CCDC14: variants seen among roughly 807,000 people sequenced by gnomAD.
CCDC14 encodes the protein coiled-coil domain-containing protein 14.
In CCDC14, 71 loss-of-function variants were observed where a neutral mutation model predicts 81.4. That is an observed-to-expected ratio of 0.87 (90% confidence interval 0.72 to 1.06). CCDC14 has a LOEUF of 1.06. Among genes scored for constraint, CCDC14 ranks in the 50% least tolerant of loss-of-function variants. The pLI, the probability that CCDC14 is intolerant of heterozygous loss-of-function variation, is 0.00. For missense variants in CCDC14, 1,046 were observed against 1,047.3 expected, an observed-to-expected ratio of 1.00 and a Z score of 0.02; for synonymous variants, 332 against 364.8, an observed-to-expected ratio of 0.91 and a Z score of 1.03.
rs1054944305 is a variant in CCDC14, at chr3:123,915,080, G to C, written c.2417C>G (p.Thr806Arg). Residue 806 changes from threonine to arginine, a missense_variant, in exon 13 of 13, where the codon ACA becomes AGA. Transcript: ENST00000409697. ...KLSRASDMKD[T>R]QLLKKIKEAI... ...TTCCTTTATTTTCTTGAGGAGCTGT[G>C]TGTCCTTCATATCAGATGCTCTGGA... 1 of 1,614,010 alleles carries C rather than the reference G, an allele frequency of 6.2e-7. No homozygotes were observed. The highest frequency in any genetic ancestry group is 8.5e-7 in the Non-Finnish European group (1 of 1,179,894).
At chr3:123,906,724 C>T (rs907386815) in intron 5 of CCDC14, among the ~76,000 whole-genome samples, 1 of 152,180 alleles carries the variant, frequency 6.6e-6, no homozygotes, top group African/African-American at 2.4e-5. Context: ...CAAGGATCTG[C>T]TCCATGACAC....
chr3:123,941,881 A>G (rs1199522551), intron 9 of CCDC14, among the ~76,000 whole-genome samples: 2 of 152,088 alleles, frequency 1.3e-5, no homozygotes, highest in Admixed American at 6.6e-5. Flanking sequence ...ACCGAAATAA[A>G]TAAGAACCAC....
chr3:123,959,246 C>T (rs1383262764), intron 1 of CCDC14, among the ~76,000 whole-genome samples: 2 of 152,208 alleles, frequency 1.3e-5, no homozygotes, highest in African/African-American at 4.8e-5. Flanking sequence ...TACCATTTTA[C>T]ATTCCCACTG....
chr3:123,923,076 T>C (rs777866592), intron 12 of CCDC14, among the ~76,000 whole-genome samples: 1 of 152,116 alleles, frequency 6.6e-6, no homozygotes, highest in Non-Finnish European at 1.5e-5. Context: ...AAAAGAATTA[T>C]TCAACACAAT....
chr3:123,949,312 A>G (rs931110256), intron 5 of CCDC14, 180 bp from the exon 6 acceptor site: 8 of 573,852 alleles, frequency 1.4e-5, no homozygotes, highest in Non-Finnish European at 2.5e-5. Context: ...GAAAGTAATT[A>G]GTGTTTAAGT....
intron 8 of CCDC14, among the ~76,000 whole-genome samples, chr3:123,945,740 G>A (rs1021747035): frequency 2.6e-5 from 4 of 152,130 alleles, no homozygotes; most frequent in African/African-American, 9.6e-5. Context: ...TTACAAAAAT[G>A]TATTCAGTTT....
intron 9 of CCDC14, among the ~76,000 whole-genome samples, chr3:123,942,687 A>G (rs1439927812): frequency 1.3e-5 from 2 of 152,120 alleles, no homozygotes; most frequent in Non-Finnish European, 2.9e-5. Context: ...CTCAGGGCAC[A>G]TTCGCATTGC....
intron 12 of CCDC14, among the ~76,000 whole-genome samples, chr3:123,928,751 A>T (rs1298827092): frequency 3.9e-5 from 6 of 152,198 alleles, no homozygotes; most frequent in Non-Finnish European, 8.8e-5. Context: ...ACTTAGGCTA[A>T]ATCAGGCATG....
At chr3:123,902,593 A>G (rs2034199658) in intron 5 of CCDC14, among the ~76,000 whole-genome samples, 2 of 152,246 alleles carry the variant, frequency 1.3e-5, no homozygotes, top group Non-Finnish European at 2.9e-5. Context: ...GCTTTACAGC[A>G]CCAAAAACTT....
downstream of CCDC14, among the ~76,000 whole-genome samples, chr3:123,909,800 G>T (rs1483391402): frequency 6.6e-6 from 1 of 152,166 alleles, no homozygotes; most frequent in Non-Finnish European, 1.5e-5. Flanking sequence ...CTAGGTTCTG[G>T]TGACAGATTT....
downstream of CCDC14, among the ~76,000 whole-genome samples, chr3:123,893,978 C>G (rs1393907796): frequency 6.6e-6 from 1 of 152,106 alleles, no homozygotes; most frequent in Non-Finnish European, 1.5e-5. Flanking sequence ...CAAATATTTT[C>G]TCTCATTCTG....
rs141169954 is a variant in CCDC14, at chr3:123,949,123, T to G, written c.362A>C (p.Asp121Ala). The change falls in exon 6 of 13, where the codon GAT (aspartate) becomes GCT (alanine). Residue 121 changes from aspartate (D) to alanine (A), a missense_variant. Asp to Ala is a moderately radical substitution (Grantham distance 126). Transcript: ENST00000409697. ...TTCATTAGGTATCTGTTTCTTATTA[T>G]CTGAAGATGCTAATGTGGAAGAAGA... ...LVVQKETSSS[D>A]NKKQIPNEAS... 3.1e-6 allele frequency: 5 copies of G among 1,588,252 alleles called. No individual in the cohort carries two copies. In the African/African-American group the frequency reaches 6.7e-5, roughly 21 times the overall value.
chr3:123,929,965 T>A (rs1489682848), intron 12 of CCDC14, among the ~76,000 whole-genome samples: 1 of 152,230 alleles, frequency 6.6e-6, no homozygotes, highest in Non-Finnish European at 1.5e-5. Context: ...TGGGATACCT[T>A]ACAAAGACTT....
rs891877040 is a variant in CCDC14 at position 123,944,885 on chromosome 3, A to G, written c.1307T>C (p.Met436Thr). ...AGCATTCTCACTTCTTAATGGTTGC[A>G]TGGCCAGTGCTATCTCAACTTGAAT... ...TDIQVEIALA[M>T]QPLRSENAQL... Residue 436 changes from methionine (M) to threonine (T), a missense_variant, in exon 9 of 13, where the codon ATG becomes ACG. Coordinates refer to ENST00000409697, the MANE Select transcript of CCDC14 (RefSeq NM_001366335.1). 3.7e-6 allele frequency: 6 copies of G among 1,611,718 alleles called. No individual in the cohort carries two copies. The highest frequency in any genetic ancestry group is 1.3e-5 in the African/African-American group (1 of 74,884).
intron 5 of CCDC14, chr3:123,954,927 A>G (rs1485269363): frequency 6.6e-6 from 1 of 152,150 alleles, no homozygotes; most frequent in Non-Finnish European, 1.5e-5. Flanking sequence ...AGCACAGGTC[A>G]AGATAATATA....
chr3:123,914,350 T>C lies in CCDC14; in HGVS notation c.*429A>G, dbSNP rs2034538767. ...ACACAGCATGTTTAATAAAAACACA[T>C]TGCTATTAAAAAAAAGTATATGTAA... On this transcript the variant is annotated 3_prime_UTR_variant, in exon 13 of 13. Coordinates refer to ENST00000409697, the MANE Select transcript of CCDC14 (RefSeq NM_001366335.1). 12 of 985,168 alleles carry C rather than the reference T, an allele frequency of 1.2e-5. No individual in the cohort carries two copies. The highest frequency in any genetic ancestry group is 1.7e-5 in the African/African-American group (1 of 57,186). The allele number at this position is 985,168 out of a possible 1,614,324, so 61.0% of individuals were successfully genotyped here. A position where few individuals can be genotyped will look rare whatever the true frequency, so the allele number is the denominator to read the frequency against.
At chr3:123,893,890 A>C (rs1291514784), downstream of CCDC14, among the ~76,000 whole-genome samples, 1 of 152,066 alleles carries the variant, frequency 6.6e-6, no homozygotes, top group Non-Finnish European at 1.5e-5. Context: ...CCCATTTTAA[A>C]ATTGGGTTGT....
At chr3:123,926,689 AATC>A (rs1016685770) in intron 12 of CCDC14, among the ~76,000 whole-genome samples, 48 of 152,004 alleles carry the variant, frequency 3.2e-4, no homozygotes, top group Non-Finnish European at 5.6e-4. Context: ...GCACATTTAA[AATC>A]ATTAAAGGTT....
intron 5 of CCDC14, among the ~76,000 whole-genome samples, chr3:123,906,944 C>T (rs963437716): frequency 6.6e-6 from 1 of 152,186 alleles, no homozygotes; most frequent in African/African-American, 2.4e-5. Flanking sequence ...CCTGCTTCAT[C>T]TCCTCCTGTT....
Sources: allele counts gnomAD v4.1 joint callset (sites outside exome capture counted in the v4.1 genomes callset), GRCh38; gene constraint gnomAD v4.1.1; transcripts MANE v1.5; gene names NCBI Gene and HGNC (gene_info 2026-07-23, HGNC 2026-07-21).